The following PC variants were observed in gnomAD, a reference collection of about 807,000 sequenced individuals.
PC encodes the protein pyruvate carboxylase, mitochondrial.
In PC, 46 loss-of-function variants were observed where a neutral mutation model predicts 107.8. The observed-to-expected ratio is 0.43, with a 90% CI of 0.34 to 0.55. The LOEUF (loss-of-function observed/expected upper bound fraction) is 0.55. PC is among the 20% of genes least tolerant of loss of function. PC has a pLI of 0.04. For synonymous variants in PC, 662 were observed against 684.7 expected, an observed-to-expected ratio of 0.97 and a Z score of 0.52; for missense variants, 1,241 against 1,643.1, an observed-to-expected ratio of 0.76 and a Z score of 4.23.
At position 66,864,793 on chromosome 11, in the gene PC, G is replaced by A. The variant is rs926754223; in HGVS notation, c.1186-837C>T. Among the ~76,000 whole-genome samples, 9 of 152,354 alleles carry A rather than the reference G, an allele frequency of 5.9e-5. No homozygotes were observed. In the Middle Eastern group the frequency reaches 0.017, roughly 288 times the overall value. ...TGGCTCGTGCCGCCTGCACCTGTTC[G>A]TGCCGCCCGAGTGAGCCCCGCAGAG... On this transcript the variant is annotated intron_variant, in intron 11 of 22. Coordinates refer to ENST00000393960, the MANE Select transcript of PC (RefSeq NM_001040716.2).
In PC at chr11:66,851,299, C is replaced by T; in HGVS notation, c.1983-19G>A. The T allele has an allele frequency of 1.3e-6, 2 of 1,599,682 alleles. No individual in the cohort carries two copies. The highest frequency in any genetic ancestry group is 1.7e-6 in the Non-Finnish European group (2 of 1,179,936). On this transcript the variant is annotated intron_variant, in intron 16 of 22. Transcript: ENST00000393960. The stretch of plus-strand genomic sequence containing the variant: ...ACAGAACCTGCAAGGGTGAGAGAGC[C>T]CAGGGCTGAGCCCCACCCCACCTCC...
At chr11:66,883,956 C>G (rs946410772) in intron 3 of PC, among the ~76,000 whole-genome samples, 7 of 152,040 alleles carry the variant, frequency 4.6e-5, no homozygotes, top group Admixed American at 1.3e-4. Context: ...TTAAAATTAG[C>G]TGGGTGTGGC....
chr11:66,920,634 C>T (rs1293363522), intron 3 of PC, among the ~76,000 whole-genome samples: 1 of 152,144 alleles, frequency 6.6e-6, no homozygotes, highest in Non-Finnish European at 1.5e-5. Context: ...TCGCCGCACC[C>T]TCCTCCAAGC....
rs76060368 is a variant in PC, at chr11:66,900,693, T to C, written c.1-28534A>G. 3.2e-3 allele frequency among the ~76,000 whole-genome samples: 491 copies of C among 152,342 alleles called. 1 individual carries two copies. The highest frequency in any genetic ancestry group is 0.011 in the African/African-American group (458 of 41,580). On this transcript the variant is annotated intron_variant, in intron 3 of 22. Transcript: ENST00000393960. The stretch of plus-strand genomic sequence containing the variant: ...TTTAATTGTTTTCAACAATGTTTCA[T>C]AGTTTTCAGAGTATAAGTCTTGCAC...
At chr11:66,956,064 G>A (rs1176507922) in intron 1 of PC, among the ~76,000 whole-genome samples, 1 of 151,808 alleles carries the variant, frequency 6.6e-6, no homozygotes, top group Admixed American at 6.6e-5. Flanking sequence ...TGAGCACCGC[G>A]CCCAGCCCCG....
chr11:66,920,267 T>C (rs552345168), intron 3 of PC, among the ~76,000 whole-genome samples: 3 of 152,136 alleles, frequency 2.0e-5, no homozygotes, highest in Non-Finnish European at 4.4e-5. Context: ...AGGCTACTCA[T>C]TGGAGGGAAC....
intron 3 of PC, among the ~76,000 whole-genome samples, chr11:66,926,697 T>G (rs1948721750): frequency 6.6e-6 from 1 of 152,176 alleles, no homozygotes; most frequent in Admixed American, 6.6e-5. Flanking sequence ...AGAAACCTGG[T>G]ACCACTAGCT....
At position 66,866,180 on chromosome 11, in the gene PC, C is replaced by T. The variant is rs764854894; in HGVS notation, c.1185+7G>A. ...CTGGCATCTCCCTCTGCTCGAGCTC[C>T]GCCCACCTCAATGCGGCCGGTGTCC... On this transcript the variant is annotated splice_region_variant and intron_variant, in intron 11 of 22. Coordinates refer to ENST00000393960, the MANE Select transcript of PC (RefSeq NM_001040716.2). The surrounding 1 kb of genome is among the most constrained non-coding windows in gnomAD (Gnocchi z 5.4). 11 of 1,604,936 alleles carry T rather than the reference C, an allele frequency of 6.9e-6. No homozygotes were observed. Among genetic ancestry groups the T allele is most frequent in the Middle Eastern group, 2.1e-4 (1 of 4,872 alleles).
intron 3 of PC, among the ~76,000 whole-genome samples, chr11:66,940,179 T>C (rs1454439867): frequency 6.7e-6 from 1 of 149,532 alleles, no homozygotes; most frequent in East Asian, 2.0e-4. Flanking sequence ...ATATCGAGAA[T>C]ACATAGAAAG....
In PC at chr11:66,852,671, C is replaced by T; in HGVS notation, c.1604-11G>A. 1.2e-6 allele frequency: 2 copies of T among 1,613,208 alleles called. No individual in the cohort carries two copies. Among genetic ancestry groups the T allele is most frequent in the Non-Finnish European group, 1.7e-6 (2 of 1,179,334 alleles). On this transcript the variant is annotated splice_polypyrimidine_tract_variant and intron_variant, in intron 14 of 22. Transcript: ENST00000393960. This position sits in a 1 kb window ranked among gnomAD's most constrained non-coding sequence, Gnocchi z 4.7. ...CAGCCGGGGGCGGGCCTAGGGTAGA[C>T]AGGGGCATTGGTGCCCATCCTGCAG...
At chr11:66,867,142 T>C (rs551235551) in intron 10 of PC, among the ~76,000 whole-genome samples, 2 of 152,270 alleles carry the variant, frequency 1.3e-5, no homozygotes, top group Admixed American at 1.3e-4. Flanking sequence ...TCCCAGCACT[T>C]TGGGAGGCCA....
chr11:66,947,037 C>T (rs903760738), intron 3 of PC, among the ~76,000 whole-genome samples: 1 of 152,104 alleles, frequency 6.6e-6, no homozygotes, highest in Non-Finnish European at 1.5e-5. Context: ...TCATACACAG[C>T]TGGTAGGAAT....
intron 3 of PC, among the ~76,000 whole-genome samples, chr11:66,941,801 C>G (rs906557548): frequency 1.3e-5 from 2 of 151,830 alleles, no homozygotes; most frequent in African/African-American, 4.8e-5. Flanking sequence ...CCCCATCATT[C>G]AGCCTTAAAA....
At chr11:66,873,545 A>T (rs1369090717) in intron 3 of PC, among the ~76,000 whole-genome samples, 6 of 102,682 alleles carry the variant, frequency 5.8e-5, no homozygotes, top group East Asian at 2.3e-4. Context: ...TATTATATAT[A>T]ATATTATAAT....
At chr11:66,909,229 C>T (rs545020468) in intron 3 of PC, among the ~76,000 whole-genome samples, 2 of 152,188 alleles carry the variant, frequency 1.3e-5, no homozygotes, top group Non-Finnish European at 2.9e-5. Flanking sequence ...TTGAGATTTG[C>T]CTTCTGGCTG....
chr11:66,862,229 C>A (rs539151991), intron 12 of PC, among the ~76,000 whole-genome samples: 19 of 152,286 alleles, frequency 1.2e-4, no homozygotes, highest in Admixed American at 1.2e-3. Context: ...CGACAGGGAC[C>A]CCCAACAGGG....
chr11:66,855,781 C>G (rs969854510), intron 12 of PC, among the ~76,000 whole-genome samples: 2 of 152,210 alleles, frequency 1.3e-5, no homozygotes, highest in East Asian at 3.8e-4. Flanking sequence ...GCTGTCCTCC[C>G]CTCTCGCCCC....
intron 3 of PC, among the ~76,000 whole-genome samples, chr11:66,898,286 A>G (rs1947829771): frequency 6.6e-6 from 1 of 152,184 alleles, no homozygotes; most frequent in South Asian, 2.1e-4. Flanking sequence ...ATTAAATCAC[A>G]GTCTTTTAGC....
In PC at chr11:66,852,384, TGGCCACAGAGCG is replaced by T; in HGVS notation, c.1825+43_1825+54del. The T allele has an allele frequency of 7.2e-7, 1 of 1,395,956 alleles. No individual in the cohort carries two copies. The highest frequency in any genetic ancestry group is 1.4e-5 in the African/African-American group (1 of 70,920). The allele number at this position is 1,395,956 out of a possible 1,614,324, so 86.5% of individuals were successfully genotyped here. A position where few individuals can be genotyped will look rare whatever the true frequency, so the allele number is the denominator to read the frequency against. On this transcript the variant is annotated intron_variant, in intron 15 of 22. Coordinates refer to ENST00000393960, the MANE Select transcript of PC (RefSeq NM_001040716.2). The surrounding 1 kb of genome is among the most constrained non-coding windows in gnomAD (Gnocchi z 4.7). ...CCCCAGTGGCCTAAGCCTGTGGGAC[TGGCCACAGAGCG>T]GGCGCCCATTCCTACCAGGCGCTGC...
Sources: allele counts gnomAD v4.1 joint callset (sites outside exome capture counted in the v4.1 genomes callset), GRCh38; gene constraint gnomAD v4.1.1; non-coding constraint Gnocchi (gnomAD v3.1); transcripts MANE v1.5; gene names NCBI Gene and HGNC (gene_info 2026-07-23, HGNC 2026-07-21).